Variants in UBE2O observed in about 807,000 individuals in gnomAD.
UBE2O encodes (E3-independent) E2 ubiquitin-conjugating enzyme.
UBE2O carries 15 observed loss-of-function variants against 125.8 expected under a neutral mutation model. The observed-to-expected ratio is 0.12, with a 90% CI of 0.08 to 0.18. The LOEUF is 0.18. Among genes scored for constraint, UBE2O ranks in the 10% least tolerant of loss-of-function variants. The probability of loss-of-function intolerance (pLI) is 1.00; values close to 1 mark genes in which losing one functional copy is unlikely to be tolerated. For synonymous variants in UBE2O, 708 were observed against 703.2 expected (o/e 1.01, Z -0.11); for missense variants, 1,280 against 1,723.6 (o/e 0.74, Z 4.56).
In UBE2O at chr17:76,399,724, C is replaced by T. The variant is rs762746336; in HGVS notation, c.1353G>A (p.Glu451=). 6.2e-7 allele frequency: 1 copy of T among 1,614,180 alleles called. No individual in the cohort carries two copies. Among genetic ancestry groups the T allele is most frequent in the Admixed American group, 1.7e-5 (1 of 60,026 alleles). Reference sequence around the variant, plus strand: ...GCTGCTCTCCTGCCTCGTGGGGCTCCTCTGCACCCTCGTCCTGCATCTCCA... The same window carrying T: ...GCTGCTCTCCTGCCTCGTGGGGCTCTTCTGCACCCTCGTCCTGCATCTCCA... The part of the protein sequence containing the change: ...SPVEMQDEGA[E]EPHEAGEQLP... Residue 451 remains glutamate (E), a synonymous_variant, in exon 9 of 18, where the codon GAG becomes GAA. Transcript: ENST00000319380. The surrounding 1 kb of genome is among the most constrained non-coding windows in gnomAD (Gnocchi z 6.9).
At chr17:76,403,278 A>AT (rs1240919329) in intron 3 of UBE2O, among the ~76,000 whole-genome samples, 2 of 151,696 alleles carry the variant, frequency 1.3e-5, no homozygotes, top group African/African-American at 4.8e-5. Flanking sequence ...CTTTATTATT[A>AT]TTTTTTTTAG....
At position 76,400,821 on chromosome 17, in the gene UBE2O, C is replaced by T. The variant is rs1598587604; in HGVS notation, c.894+190G>A. On this transcript the variant is annotated intron_variant, in intron 6 of 17. Coordinates refer to ENST00000319380, the MANE Select transcript of UBE2O (RefSeq NM_022066.4). This position sits in a 1 kb window ranked among gnomAD's most constrained non-coding sequence, Gnocchi z 4.3. ...TCAGCCTGTACAGGCTGGGCTGGGGCACATCTGTCTTTTGGTCACTATGAC... is the reference window on the plus strand; with the variant it reads ...TCAGCCTGTACAGGCTGGGCTGGGGTACATCTGTCTTTTGGTCACTATGAC... 6.6e-6 allele frequency among the ~76,000 whole-genome samples: 1 copy of T among 152,334 alleles called. No individual in the cohort carries two copies. Among genetic ancestry groups the T allele is most frequent in the Admixed American group, 6.5e-5 (1 of 15,302 alleles).
At position 76,452,793 on chromosome 17, in the gene UBE2O, G is replaced by A. The variant is rs762570675; in HGVS notation, c.349C>T (p.Leu117=). 3.3e-6 allele frequency: 5 copies of A among 1,521,336 alleles called. No homozygotes were observed. In the South Asian group the frequency reaches 5.0e-5, roughly 15 times the overall value. The allele number at this position is 1,521,336 out of a possible 1,614,324, so 94.2% of individuals were successfully genotyped here. ...TGGACGCGCACGTAGCCGCGGCGCA[G>A]GGGGCTGGCCCGGCCCTCCTCGTGG... ...AGHEEGRASP[L]RRGYVRVQWY... The change falls in exon 1 of 18, where the codon CTG becomes TTG. Residue 117 remains leucine (L), a synonymous_variant. Transcript: ENST00000319380. This position sits in a 1 kb window ranked among gnomAD's most constrained non-coding sequence, Gnocchi z 4.4.
intron 1 of UBE2O, among the ~76,000 whole-genome samples, chr17:76,428,997 G>T (rs2072859324): frequency 1.3e-5 from 2 of 151,594 alleles, no homozygotes; most frequent in Admixed American, 1.3e-4. Context: ...TGCCTCCTGG[G>T]TTCAAGCAAT....
Position 76,399,994 on chromosome 17 carries a change from T to TG in UBE2O, c.1156-74dup, listed in dbSNP as rs1396989448. 1.3e-6 allele frequency: 2 copies of TG among 1,536,486 alleles called. No individual in the cohort carries two copies. Among genetic ancestry groups the TG allele is most frequent in the Non-Finnish European group, 8.8e-7 (1 of 1,138,394 alleles). On this transcript the variant is annotated intron_variant, in intron 8 of 17. Transcript: ENST00000319380. The surrounding 1 kb of genome is among the most constrained non-coding windows in gnomAD (Gnocchi z 6.9). ...AGGCCTGGCCCTAGGCATCTCAGGC[T>TG]GGGGGGATGACAGCTGTATACACCT...
intron 1 of UBE2O, among the ~76,000 whole-genome samples, chr17:76,407,367 C>A (rs781277172): frequency 5.9e-5 from 9 of 152,204 alleles, no homozygotes; most frequent in Non-Finnish European, 1.2e-4. Context: ...ACCCTCTGTG[C>A]CCAAATCTCC....
At chr17:76,422,550 G>A (rs2072729769) in intron 1 of UBE2O, among the ~76,000 whole-genome samples, 1 of 152,228 alleles carries the variant, frequency 6.6e-6, no homozygotes, top group African/African-American at 2.4e-5. Flanking sequence ...AGACAGTCCT[G>A]CAGGTGTCCG....
intron 1 of UBE2O, among the ~76,000 whole-genome samples, chr17:76,420,181 G>T (rs2072686244): frequency 1.3e-5 from 2 of 152,138 alleles, no homozygotes; most frequent in African/African-American, 4.8e-5. Flanking sequence ...TACCTTCCTA[G>T]GCAGACTCAT....
At chr17:76,435,314 G>A (rs1308643750) in intron 1 of UBE2O, among the ~76,000 whole-genome samples, 1 of 151,916 alleles carries the variant, frequency 6.6e-6, no homozygotes, top group Non-Finnish European at 1.5e-5. Flanking sequence ...GAAAATGGTA[G>A]GAGGGAGACA....
At chr17:76,434,195 C>T (rs931233689) in intron 1 of UBE2O, among the ~76,000 whole-genome samples, 1 of 152,132 alleles carries the variant, frequency 6.6e-6, no homozygotes, top group African/African-American at 2.4e-5. Flanking sequence ...CCGAGGATCC[C>T]TTCCAGTCTT....
intron 1 of UBE2O, among the ~76,000 whole-genome samples, chr17:76,445,360 TG>T (rs1246619945): frequency 6.6e-6 from 1 of 152,184 alleles, no homozygotes; most frequent in African/African-American, 2.4e-5. Context: ...CTTACTCCTT[TG>T]ACTTAGCTGC....
Position 76,399,049 on chromosome 17 carries a change from C to A in UBE2O, c.1629-58G>T. 6.3e-7 allele frequency: 1 copy of A among 1,586,234 alleles called. No homozygotes were observed. Among genetic ancestry groups the A allele is most frequent in the South Asian group, 1.1e-5 (1 of 87,108 alleles). On this transcript the variant is annotated intron_variant, in intron 9 of 17. Transcript: ENST00000319380. This position sits in a 1 kb window ranked among gnomAD's most constrained non-coding sequence, Gnocchi z 6.9. ...AACCCCACCCCCTCCGCGGAAAGGGCAGAGAGTCTTTCTGTCCCTTCCTGT... is the reference window on the plus strand; with the variant it reads ...AACCCCACCCCCTCCGCGGAAAGGGAAGAGAGTCTTTCTGTCCCTTCCTGT...
chr17:76,439,025 T>A (rs1337091582), intron 1 of UBE2O, among the ~76,000 whole-genome samples: 4 of 152,174 alleles, frequency 2.6e-5, no homozygotes, highest in Non-Finnish European at 2.9e-5. Context: ...AAGTCCTCTT[T>A]ATGTAAAAAA....
chr17:76,403,856 A>G (rs184313210), intron 3 of UBE2O, among the ~76,000 whole-genome samples: 37 of 152,306 alleles, frequency 2.4e-4, no homozygotes, highest in Admixed American at 2.2e-3. Flanking sequence ...AAAACCAACA[A>G]AAAGGGCCAT....
At chr17:76,429,270 G>A (rs887976640) in intron 1 of UBE2O, among the ~76,000 whole-genome samples, 3 of 151,928 alleles carry the variant, frequency 2.0e-5, no homozygotes, top group East Asian at 3.9e-4. Flanking sequence ...GGCTGGGGAT[G>A]GTGGCTCATG....
At chr17:76,433,789 AG>A (rs1028622976) in intron 1 of UBE2O, among the ~76,000 whole-genome samples, 12 of 152,156 alleles carry the variant, frequency 7.9e-5, no homozygotes, top group Admixed American at 2.6e-4. Flanking sequence ...TGGGAGGCCA[AG>A]GTAGGAGGAT....
intron 1 of UBE2O, among the ~76,000 whole-genome samples, chr17:76,417,154 A>G (rs935731086): frequency 1.3e-5 from 2 of 152,192 alleles, no homozygotes. Context: ...CTTGTCCCCT[A>G]AACACCTCCT....
intron 15 of UBE2O, among the ~76,000 whole-genome samples, chr17:76,394,912 GT>G (rs60745928): frequency 0.011 from 1,704 of 150,302 alleles, 26 homozygotes; most frequent in African/African-American, 0.039. Flanking sequence ...GTCTCGCTCT[GT>G]TGCCCAGGCT....
intron 1 of UBE2O, among the ~76,000 whole-genome samples, chr17:76,417,783 G>C (rs922890125): frequency 2.0e-5 from 3 of 152,206 alleles, no homozygotes; most frequent in Non-Finnish European, 4.4e-5. Context: ...AAGGGAAGAG[G>C]AGCAGGTGTT....
Sources: allele counts gnomAD v4.1 joint callset (sites outside exome capture counted in the v4.1 genomes callset), GRCh38; gene constraint gnomAD v4.1.1; non-coding constraint Gnocchi (gnomAD v3.1); transcripts MANE v1.5; gene names NCBI Gene and HGNC (gene_info 2026-07-23, HGNC 2026-07-21).